Variants in PAM observed in about 807,000 individuals in gnomAD.
The protein encoded by PAM is peptidyl-glycine alpha-amidating monooxygenase.
A neutral mutation model predicts 122.1 loss-of-function variants in PAM; 72 were observed. The ratio of observed to expected loss-of-function variants is 0.59; its 90% confidence interval spans 0.49 to 0.72. The LOEUF (loss-of-function observed/expected upper bound fraction) is 0.72. Ranked by LOEUF, PAM falls within the 30% of genes least tolerant of loss-of-function variation. PAM has a pLI of 0.00. For synonymous variants in PAM, 389 were observed against 404.4 expected (o/e 0.96, Z 0.46); for missense variants, 1,106 against 1,183.7 (o/e 0.93, Z 0.96).
chr5:102,871,140 G>A (rs569326741), intron 3 of PAM, among the ~76,000 whole-genome samples: 1 of 152,292 alleles, frequency 6.6e-6, no homozygotes, highest in South Asian at 2.1e-4. Context: ...CTCAGCTCTT[G>A]CAGTCTCAAC....
intron 4 of PAM, among the ~76,000 whole-genome samples, chr5:102,911,828 TA>T (rs142009406): frequency 6.6e-6 from 1 of 151,966 alleles, no homozygotes. Context: ...TGCATTAGTA[TA>T]AAAAAGATAC....
chr5:102,885,144 A>C (rs894844962), intron 3 of PAM, among the ~76,000 whole-genome samples: 4 of 150,594 alleles, frequency 2.7e-5, no homozygotes, highest in African/African-American at 9.9e-5. Context: ...GATAAAATCC[A>C]AAACAAAACA....
intron 3 of PAM, among the ~76,000 whole-genome samples, chr5:102,879,184 C>T (rs573333554): frequency 1.3e-5 from 2 of 152,240 alleles, no homozygotes; most frequent in African/African-American, 4.8e-5. Flanking sequence ...CCCGCTTCGG[C>T]CTCCCAGAGT....
chr5:102,850,898 GACT>G (rs1188556198), intron 1 of PAM, among the ~76,000 whole-genome samples: 1 of 152,186 alleles, frequency 6.6e-6, no homozygotes, highest in Non-Finnish European at 1.5e-5. Flanking sequence ...AGTAACTACT[GACT>G]ACCATTTGGT....
At chr5:102,876,940 G>T (rs1789414173) in intron 3 of PAM, among the ~76,000 whole-genome samples, 1 of 152,210 alleles carries the variant, frequency 6.6e-6, no homozygotes, top group African/African-American at 2.4e-5. Context: ...GTTAGAAACT[G>T]TTAGTGTTTG....
intron 21 of PAM, among the ~76,000 whole-genome samples, chr5:103,010,219 C>T (rs1157778110): frequency 6.6e-6 from 1 of 152,098 alleles, no homozygotes; most frequent in African/African-American, 2.4e-5. Context: ...GTAGAGAAAA[C>T]ATCACAACAT....
intron 12 of PAM, among the ~76,000 whole-genome samples, chr5:102,956,339 A>C (rs2150160471): frequency 6.6e-6 from 1 of 152,278 alleles, no homozygotes; most frequent in Admixed American, 6.5e-5. Context: ...TCTTACACAT[A>C]TATGCATAAT....
intron 1 of PAM, among the ~76,000 whole-genome samples, chr5:102,790,614 G>C (rs1229576046): frequency 6.6e-6 from 1 of 152,036 alleles, no homozygotes; most frequent in Non-Finnish European, 1.5e-5. Context: ...ACTTTTGCCA[G>C]GTAGAGAAGC....
At chr5:103,023,827 A>G (rs569214259) in intron 23 of PAM, among the ~76,000 whole-genome samples, 1 of 152,268 alleles carries the variant, frequency 6.6e-6, no homozygotes, top group African/African-American at 2.4e-5. Context: ...GTAAGTACTC[A>G]ATAGATATCA....
intron 16 of PAM, among the ~76,000 whole-genome samples, chr5:102,995,465 T>A (rs1037880023): frequency 6.6e-6 from 1 of 152,154 alleles, no homozygotes; most frequent in Non-Finnish European, 1.5e-5. Flanking sequence ...AAAATCACGT[T>A]TTTTTGAAGA....
intron 5 of PAM, among the ~76,000 whole-genome samples, chr5:102,916,391 T>A (rs1416976176): frequency 1.3e-5 from 2 of 152,028 alleles, no homozygotes; most frequent in African/African-American, 4.8e-5. Flanking sequence ...TCATTTTAAA[T>A]GGATTTTAAA....
intron 1 of PAM, among the ~76,000 whole-genome samples, chr5:102,792,639 G>A (rs1561460181): frequency 2.0e-5 from 3 of 152,188 alleles, no homozygotes; most frequent in African/African-American, 7.2e-5. Context: ...GACAAATTTA[G>A]TATTTGTAAT....
intron 20 of PAM, among the ~76,000 whole-genome samples, 159 bp downstream of exon 20, chr5:103,007,816 T>C (rs1779495080): frequency 6.6e-6 from 1 of 152,136 alleles, no homozygotes; most frequent in African/African-American, 2.4e-5. Flanking sequence ...TCAGTTTTGA[T>C]TAAGGTACCA....
At chr5:102,910,371 T>C (rs974795914) in intron 4 of PAM, among the ~76,000 whole-genome samples, 2 of 151,918 alleles carry the variant, frequency 1.3e-5, no homozygotes, top group Admixed American at 1.3e-4. Context: ...GACATTATCC[T>C]TTGAGAAACC....
chr5:102,816,527 A>G (rs973557379), intron 1 of PAM, among the ~76,000 whole-genome samples: 2 of 152,066 alleles, frequency 1.3e-5, no homozygotes, highest in Non-Finnish European at 2.9e-5. Context: ...CTCTCCTTCA[A>G]AGCCACTCAC....
At chr5:102,916,677 T>A (rs1279930993) in intron 5 of PAM, among the ~76,000 whole-genome samples, 1 of 147,194 alleles carries the variant, frequency 6.8e-6, no homozygotes, top group African/African-American at 2.5e-5. Flanking sequence ...TTATAATACA[T>A]ATTTATATGT....
chr5:102,967,689 A>G (rs1430853454), intron 14 of PAM, among the ~76,000 whole-genome samples: 3 of 148,080 alleles, frequency 2.0e-5, no homozygotes, highest in South Asian at 2.1e-4. Flanking sequence ...TGTAAGGTAC[A>G]TTTTTTCAAA....
intron 1 of PAM, among the ~76,000 whole-genome samples, chr5:102,809,930 GA>G (rs1767410704): frequency 1.3e-5 from 2 of 152,168 alleles, no homozygotes; most frequent in Admixed American, 1.3e-4. Flanking sequence ...ATTGCTATCA[GA>G]AAATAGTTCC....
Position 102,802,791 on chromosome 5 carries a change from G to A in PAM, c.-374+47443G>A, listed in dbSNP as rs113394936. ...ATTATTATTAATTATGATAACTACC[G>A]TTTATGGAGTGTTTGTGATGTGCCA... On this transcript the variant is annotated intron_variant, in intron 1 of 25. Coordinates refer to ENST00000438793, the MANE Select transcript of PAM (RefSeq NM_001177306.2). Among the ~76,000 whole-genome samples, 338 of 152,258 alleles carry A rather than the reference G, an allele frequency of 2.2e-3. 1 individual carries two copies. The highest frequency in any genetic ancestry group is 7.6e-3 in the African/African-American group (317 of 41,540).
Sources: gnomAD v4.1 joint callset for allele counts (sites outside exome capture counted in the v4.1 genomes callset) on GRCh38, gnomAD v4.1.1 for gene constraint, MANE v1.5 for transcripts, NCBI Gene and HGNC (gene_info 2026-07-23, HGNC 2026-07-21) for gene names.